The following CENPP variants were observed in gnomAD, a reference collection of about 807,000 sequenced individuals.
The protein encoded by CENPP is centromere protein P.
A neutral mutation model predicts 35.6 loss-of-function variants in CENPP; 24 were observed. The ratio of observed to expected loss-of-function variants is 0.67; its 90% CI spans 0.49 to 0.95. CENPP has a LOEUF of 0.95. CENPP is among the 40% of genes least tolerant of loss of function. CENPP has a pLI of 0.00. For synonymous variants in CENPP, 120 were observed against 125.5 expected (o/e 0.96, Z 0.29); for missense variants, 332 against 345.3 (o/e 0.96, Z 0.31).
At position 92,619,493 on chromosome 9, in the gene CENPP, C is replaced by G. The variant is rs768055077; in HGVS notation, c.*6344C>G. Reference sequence around the variant, plus strand: ...TTGCAGTGGGGGCCTCACCTGGCATCCTGCAGACAGGGAGACAGTGCAATC... The same window carrying G: ...TTGCAGTGGGGGCCTCACCTGGCATGCTGCAGACAGGGAGACAGTGCAATC... On this transcript the variant is annotated 3_prime_UTR_variant, in exon 8 of 8. Coordinates refer to ENST00000375587, the MANE Select transcript of CENPP (RefSeq NM_001012267.3). 1.3e-6 allele frequency: 2 copies of G among 1,588,268 alleles called. No homozygotes were observed. Among genetic ancestry groups the G allele is most frequent in the South Asian group, 2.3e-5 (2 of 86,528 alleles).
At chr9:92,570,961 T>C (rs1850122245) in intron 5 of CENPP, among the ~76,000 whole-genome samples, 1 of 152,182 alleles carries the variant, frequency 6.6e-6, no homozygotes, top group African/African-American at 2.4e-5. Flanking sequence ...TATTTGATTC[T>C]TCTCTCTTTT....
rs1564000177 is a variant in CENPP at position 92,552,049 on chromosome 9, G to GTCTATCATATATGTGATATGATAGA, written c.565-59227_565-59203dup. ...ATCTATCATATATGTGATATTATAG[G>GTCTATCATATATGTGATATGATAGA]TCTATCATATATGTGATATGATAGA... On this transcript the variant is annotated intron_variant, in intron 5 of 7. Transcript: ENST00000375587. Among the ~76,000 whole-genome samples, 37 of 81,864 alleles carry GTCTATCATATATGTGATATGATAGA rather than the reference G, an allele frequency of 4.5e-4. 2 individuals are homozygous for GTCTATCATATATGTGATATGATAGA. The highest frequency in any genetic ancestry group is 1.1e-3 in the African/African-American group (15 of 13,236). 53.7% of individuals were successfully genotyped at this position (81,864 alleles called of 152,430 possible). A position where few individuals can be genotyped will look rare whatever the true frequency, so the allele number is the denominator to read the frequency against.
chr9:92,552,607 G>A (rs1165802512), intron 5 of CENPP, among the ~76,000 whole-genome samples: 3 of 152,128 alleles, frequency 2.0e-5, no homozygotes, highest in Non-Finnish European at 4.4e-5. Context: ...GATGTTGAGC[G>A]TTTTTTCATA....
At position 92,588,423 on chromosome 9, in the gene CENPP, A is replaced by AT. The variant is rs879371310; in HGVS notation, c.565-22880dup. Among the ~76,000 whole-genome samples, 606 of 143,182 alleles carry AT rather than the reference A, an allele frequency of 4.2e-3. 3 individuals are homozygous for AT. The highest frequency in any genetic ancestry group is 0.014 in the African/African-American group (552 of 39,236). 93.9% of individuals were successfully genotyped at this position (143,182 alleles called of 152,430 possible). On this transcript the variant is annotated intron_variant, in intron 5 of 7. Transcript: ENST00000375587. ...GCACCACACCCGGCTAATTTTTTGT[A>AT]TTTTTTTTTTTAGTAGAGACATGGT...
chr9:92,516,284 C>G (rs1420033537), intron 5 of CENPP, among the ~76,000 whole-genome samples: 1 of 151,976 alleles, frequency 6.6e-6, no homozygotes, highest in African/African-American at 2.4e-5. Flanking sequence ...AGGCTGGTCT[C>G]GAACACCTGA....
At chr9:92,580,483 T>C (rs1850393862) in intron 5 of CENPP, among the ~76,000 whole-genome samples, 1 of 152,184 alleles carries the variant, frequency 6.6e-6, no homozygotes, top group African/African-American at 2.4e-5. Flanking sequence ...TTTCAGCTCC[T>C]GTTATTGGTC....
intron 5 of CENPP, chr9:92,500,966 A>G: frequency 6.2e-7 from 1 of 1,614,194 alleles, no homozygotes; most frequent in African/African-American, 1.3e-5. Context: ...TCTGGTTCCC[A>G]AGGAGTACTA....
At chr9:92,512,804 A>G (rs1340123140) in intron 5 of CENPP, among the ~76,000 whole-genome samples, 1 of 152,232 alleles carries the variant, frequency 6.6e-6, no homozygotes, top group Non-Finnish European at 1.5e-5. Context: ...TTATAAAACC[A>G]TAACAGTGTA....
intron 4 of CENPP, among the ~76,000 whole-genome samples, chr9:92,369,436 C>A (rs1465222854): frequency 6.6e-6 from 1 of 152,022 alleles, no homozygotes; most frequent in Non-Finnish European, 1.5e-5. Flanking sequence ...AAAGAGAGAA[C>A]CTGGTAAAGG....
intron 5 of CENPP, among the ~76,000 whole-genome samples, chr9:92,455,810 G>A (rs755501069): frequency 2.0e-5 from 3 of 152,158 alleles, no homozygotes; most frequent in African/African-American, 4.8e-5. Flanking sequence ...AGTGGCTCAC[G>A]CCTGTAATCC....
intron 5 of CENPP, among the ~76,000 whole-genome samples, chr9:92,416,191 C>T (rs926322860): frequency 3.3e-5 from 5 of 151,024 alleles, no homozygotes; most frequent in African/African-American, 1.2e-4. Flanking sequence ...CCTCCGATTC[C>T]TGGGTTCAAG....
intron 4 of CENPP, among the ~76,000 whole-genome samples, chr9:92,375,450 G>T (rs1408551888): frequency 6.6e-6 from 1 of 151,752 alleles, no homozygotes; most frequent in Non-Finnish European, 1.5e-5. Flanking sequence ...ACACCACCAC[G>T]CCCGGCTAAT....
chr9:92,441,333 C>T (rs1238948296), intron 5 of CENPP, among the ~76,000 whole-genome samples: 4 of 152,002 alleles, frequency 2.6e-5, no homozygotes, highest in Non-Finnish European at 5.9e-5. Flanking sequence ...TAAAGTACAC[C>T]ACAAGTACGC....
chr9:92,564,277 T>A (rs761441137), intron 5 of CENPP, among the ~76,000 whole-genome samples: 1 of 151,950 alleles, frequency 6.6e-6, no homozygotes, highest in Non-Finnish European at 1.5e-5. Context: ...TAATCCCAGC[T>A]GCTCGGGCGG....
intron 4 of CENPP, among the ~76,000 whole-genome samples, chr9:92,372,898 G>C (rs1424654981): frequency 1.3e-5 from 2 of 151,816 alleles, no homozygotes; most frequent in African/African-American, 2.4e-5. Context: ...ACTTTAGACA[G>C]TCTGATTGTA....
chr9:92,416,580 A>G (rs568035423), intron 5 of CENPP: 2 of 1,250,070 alleles, frequency 1.6e-6, no homozygotes, highest in South Asian at 1.5e-5. Flanking sequence ...TCAGGATTCC[A>G]TTCTTTCTCT....
intron 4 of CENPP, among the ~76,000 whole-genome samples, chr9:92,376,347 T>C (rs1315899973): frequency 2.0e-5 from 3 of 152,224 alleles, no homozygotes; most frequent in African/African-American, 7.2e-5. Context: ...ACATCCCCTG[T>C]GTAGCTATGT....
rs565018129 is a variant in CENPP at position 92,388,463 on chromosome 9, G to A, written c.564+8604G>A. ...AGGCGTGAGCCACTGAACCTGTCCT[G>A]ATCAACTTTTATAGGTCTTTAACAT... is the stretch of plus-strand genomic sequence containing the variant. On this transcript the variant is annotated intron_variant, in intron 5 of 7. Coordinates refer to ENST00000375587, the MANE Select transcript of CENPP (RefSeq NM_001012267.3). 1.6e-4 allele frequency among the ~76,000 whole-genome samples: 24 copies of A among 151,918 alleles called. No homozygotes were observed. In the South Asian group the frequency reaches 5.0e-3, roughly 32 times the overall value.
chr9:92,487,603 T>C (rs1045568942), intron 5 of CENPP, among the ~76,000 whole-genome samples: 1 of 152,210 alleles, frequency 6.6e-6, no homozygotes, highest in East Asian at 1.9e-4. Context: ...GGAAAGATAA[T>C]CAAGGGAAGC....
Sources: gnomAD v4.1 joint callset for allele counts (sites outside exome capture counted in the v4.1 genomes callset) on GRCh38, gnomAD v4.1.1 for gene constraint, MANE v1.5 for transcripts, NCBI Gene and HGNC (gene_info 2026-07-23, HGNC 2026-07-21) for gene names.